The following CA10 variants were observed in gnomAD, a reference collection of about 807,000 sequenced individuals.
CA10 encodes the protein carbonic anhydrase-related protein 10.
Under a neutral mutation model 44.2 loss-of-function variants are expected in CA10, and 14 were observed. The observed-to-expected ratio is 0.32, with a 90% CI of 0.21 to 0.50. CA10 has a LOEUF of 0.50. CA10 is among the 20% of genes least tolerant of loss of function. CA10 has a pLI of 0.99. For missense variants in CA10, 350 were observed against 409.7 expected (o/e 0.85, Z 1.26); for synonymous variants, 159 against 141.6 (o/e 1.12, Z -0.87).
intron 1 of CA10, among the ~76,000 whole-genome samples, chr17:52,121,681 C>CACACACACACACAGAT (rs1304443690): frequency 0.12 from 33 of 276 alleles, no homozygotes; most frequent in African/African-American, 0.27. Context: ...CACACAGATA[C>CACACACACACACAGAT]ACACACACAC....
At chr17:51,910,509 CAA>C (rs941315171) in intron 3 of CA10, among the ~76,000 whole-genome samples, 5 of 152,028 alleles carry the variant, frequency 3.3e-5, no homozygotes, top group Non-Finnish European at 7.4e-5. Context: ...ACAACAAAAA[CAA>C]CAACAAAAAT....
intron 2 of CA10, among the ~76,000 whole-genome samples, chr17:52,041,873 TATA>T (rs1450739372): frequency 6.6e-6 from 1 of 152,114 alleles, no homozygotes; most frequent in Non-Finnish European, 1.5e-5. Flanking sequence ...TTTCATCTTA[TATA>T]ATGTCCTCCA....
chr17:51,931,715 ATGTACT>A (rs1190658242), intron 2 of CA10, among the ~76,000 whole-genome samples: 1 of 152,118 alleles, frequency 6.6e-6, no homozygotes, highest in African/African-American at 2.4e-5. Flanking sequence ...CATTAACCTA[ATGTACT>A]TGTAGATAAA....
chr17:51,965,546 G>A (rs1984049644), intron 2 of CA10, among the ~76,000 whole-genome samples: 1 of 151,916 alleles, frequency 6.6e-6, no homozygotes, highest in Non-Finnish European at 1.5e-5. Context: ...ATGCAAGGTT[G>A]GTTCAACATA....
At chr17:51,862,521 T>C (rs1979357854) in intron 3 of CA10, among the ~76,000 whole-genome samples, 1 of 152,114 alleles carries the variant, frequency 6.6e-6, no homozygotes, top group South Asian at 2.1e-4. Flanking sequence ...AATCATATTT[T>C]TCAGAGGCTA....
chr17:51,830,638 A>G (rs1182268157), intron 3 of CA10, among the ~76,000 whole-genome samples: 1 of 152,208 alleles, frequency 6.6e-6, no homozygotes, highest in Non-Finnish European at 1.5e-5. Context: ...CCAGGGATAG[A>G]AAGCTGGCAT....
intron 3 of CA10, among the ~76,000 whole-genome samples, chr17:51,818,679 A>G (rs1907659327): frequency 6.6e-6 from 1 of 152,152 alleles, no homozygotes; most frequent in African/African-American, 2.4e-5. Flanking sequence ...CTTTTCTTTC[A>G]GGGTAGATGT....
intron 3 of CA10, among the ~76,000 whole-genome samples, chr17:51,878,236 A>G (rs557193446): frequency 1.3e-5 from 2 of 152,096 alleles, no homozygotes; most frequent in African/African-American, 4.8e-5. Context: ...ACCTCCAGAA[A>G]GTTGGGAATT....
chr17:51,948,016 A>G (rs1383639547), intron 2 of CA10, among the ~76,000 whole-genome samples: 1 of 152,164 alleles, frequency 6.6e-6, no homozygotes, highest in Non-Finnish European at 1.5e-5. Flanking sequence ...TTCAACAAAC[A>G]GATCCATCTT....
rs56145404 is a variant in CA10, at chr17:51,754,400, G to GATATATAT, written c.280-6590_280-6583dup. ...CACATACATACTACTGTGTGTGTGT[G>GATATATAT]ATATATATATATATATATATATATA... On this transcript the variant is annotated intron_variant, in intron 3 of 8. Transcript: ENST00000451037. Among the ~76,000 whole-genome samples the GATATATAT allele has an allele frequency of 3.5e-3, 257 of 73,034 alleles. 1 individual carries two copies. The highest frequency in any genetic ancestry group is 4.3e-3 in the Non-Finnish European group (162 of 37,340). The allele number at this position is 73,034 out of a possible 152,430, so 47.9% of individuals were successfully genotyped here.
chr17:51,717,829 G>GTGTTTATATATATATA (rs1337266806), intron 4 of CA10, among the ~76,000 whole-genome samples: 1 of 7,920 alleles, frequency 1.3e-4, no homozygotes, highest in African/African-American at 3.4e-4. Flanking sequence ...ATATGTGTGT[G>GTGTTTATATATATATA]TATATATATA....
At chr17:52,029,944 A>T (rs1467008418) in intron 2 of CA10, among the ~76,000 whole-genome samples, 2 of 152,208 alleles carry the variant, frequency 1.3e-5, no homozygotes, top group Non-Finnish European at 2.9e-5. Flanking sequence ...ATACTTTAAG[A>T]GAGAAAGACT....
intron 3 of CA10, among the ~76,000 whole-genome samples, chr17:51,866,922 G>A (rs1243014377): frequency 6.7e-6 from 1 of 149,802 alleles, no homozygotes; most frequent in East Asian, 1.9e-4. Flanking sequence ...GGTAAGAACA[G>A]TTTCTCAGAA....
intron 2 of CA10, among the ~76,000 whole-genome samples, chr17:52,024,504 T>TG (rs573212528): frequency 1.1e-3 from 110 of 101,708 alleles, no homozygotes; most frequent in Non-Finnish European, 1.9e-3. Flanking sequence ...CTGGAGTCAG[T>TG]GGGGGGTGGG....
At chr17:51,706,946 A>C (rs1915780474) in intron 4 of CA10, among the ~76,000 whole-genome samples, 1 of 151,840 alleles carries the variant, frequency 6.6e-6, no homozygotes. Context: ...CCCACCCCAC[A>C]CTGGACGCCT....
At chr17:51,783,643 A>T (rs1013696737) in intron 3 of CA10, among the ~76,000 whole-genome samples, 2 of 152,200 alleles carry the variant, frequency 1.3e-5, no homozygotes, top group African/African-American at 4.8e-5. Flanking sequence ...GAGAAAAGAA[A>T]AGGAGACAAG....
chr17:51,945,033 G>C (rs2144022876), intron 2 of CA10, among the ~76,000 whole-genome samples: 1 of 152,266 alleles, frequency 6.6e-6, no homozygotes, highest in Admixed American at 6.5e-5. Flanking sequence ...TAGGAAAGGA[G>C]AGAAAGGGCA....
chr17:52,018,063 G>T (rs1445332478), intron 2 of CA10, among the ~76,000 whole-genome samples: 2 of 152,146 alleles, frequency 1.3e-5, no homozygotes, highest in African/African-American at 2.4e-5. Flanking sequence ...AGGAGGCTTG[G>T]CAGCTTCCAC....
rs2045247490 is a variant in CA10 at position 51,839,503 on chromosome 17, A to C, written c.279+91487T>G. ...GCAACAGAGCAAGACTCCTTCTCAAAAAAAAAAAAAAAAAAAAAAAAAAAA... is the reference window on the plus strand; with the variant it reads ...GCAACAGAGCAAGACTCCTTCTCAACAAAAAAAAAAAAAAAAAAAAAAAAA... On this transcript the variant is annotated intron_variant, in intron 3 of 8. Transcript: ENST00000451037. Among the ~76,000 whole-genome samples, 36 of 92,004 alleles carry C rather than the reference A, an allele frequency of 3.9e-4. No homozygotes were observed. The South Asian group carries it at 0.014, about 35-fold the overall frequency. 60.4% of individuals were successfully genotyped at this position (92,004 alleles called of 152,430 possible).
Sources: gnomAD v4.1 joint callset for allele counts (sites outside exome capture counted in the v4.1 genomes callset) on GRCh38, gnomAD v4.1.1 for gene constraint, MANE v1.5 for transcripts, NCBI Gene and HGNC (gene_info 2026-07-23, HGNC 2026-07-21) for gene names.